TMOD2: variants seen among roughly 807,000 people sequenced by gnomAD.
TMOD2 encodes tropomodulin-2.
In TMOD2, 22 loss-of-function variants were observed where a neutral mutation model predicts 39.9. That is an observed-to-expected ratio of 0.55 (90% CI 0.39 to 0.79). TMOD2 has a LOEUF of 0.79. TMOD2 is among the 30% of genes least tolerant of loss of function. The pLI is 0.00. For synonymous variants in TMOD2, 123 were observed against 146.1 expected (o/e 0.84, Z 1.14); for missense variants, 386 against 413.3 (o/e 0.93, Z 0.57).
At chr15:51,773,096 T>C (rs2055864058) in intron 3 of TMOD2, among the ~76,000 whole-genome samples, 1 of 152,094 alleles carries the variant, frequency 6.6e-6, no homozygotes, top group Non-Finnish European at 1.5e-5. Flanking sequence ...AGCCCACATA[T>C]CCAAGCTTCA....
At chr15:51,789,199 G>A (rs976896800) in intron 7 of TMOD2, among the ~76,000 whole-genome samples, 13 of 152,160 alleles carry the variant, frequency 8.5e-5, no homozygotes, top group African/African-American at 2.9e-4. Flanking sequence ...AAAAAAGCAG[G>A]GGTTGCAATC....
At chr15:51,806,988 G>A (rs187985242) in intron 9 of TMOD2, among the ~76,000 whole-genome samples, 42 of 152,300 alleles carry the variant, frequency 2.8e-4, no homozygotes, top group Admixed American at 1.6e-3. Context: ...CTCACAGGTC[G>A]CCTTTTCAGT....
chr15:51,768,886 T>C (rs1374080029), intron 3 of TMOD2, among the ~76,000 whole-genome samples: 1 of 152,240 alleles, frequency 6.6e-6, no homozygotes, highest in African/African-American at 2.4e-5. Context: ...GCCCATGAAC[T>C]GGAGTCGGTG....
chr15:51,758,079 C>CTAATAATAATAATAA (rs145435018), intron 1 of TMOD2, among the ~76,000 whole-genome samples: 1 of 149,672 alleles, frequency 6.7e-6, no homozygotes, highest in African/African-American at 2.5e-5. Context: ...GACCCTATTT[C>CTAATAATAATAATAA]TAATAATAAT....
At chr15:51,807,064 T>C (rs1394609736) in intron 9 of TMOD2, among the ~76,000 whole-genome samples, 1 of 152,174 alleles carries the variant, frequency 6.6e-6, no homozygotes, top group East Asian at 1.9e-4. Flanking sequence ...TCTGTTAGGA[T>C]GAGGTGGGGC....
At chr15:51,767,768 T>C (rs551007217) in intron 2 of TMOD2, among the ~76,000 whole-genome samples, 6 of 152,348 alleles carry the variant, frequency 3.9e-5, no homozygotes, top group African/African-American at 1.4e-4. Context: ...AAAATACAGA[T>C]ATTCTGTTGT....
intron 1 of TMOD2, among the ~76,000 whole-genome samples, chr15:51,758,100 A>G (rs2055754951): frequency 6.6e-6 from 1 of 151,664 alleles, no homozygotes; most frequent in African/African-American, 2.4e-5. Context: ...AATAATAATA[A>G]TAATAACTAG....
In TMOD2 at chr15:51,798,194, A is replaced by G; in HGVS notation, c.733-3A>G. 6.3e-7 allele frequency: 1 copy of G among 1,582,318 alleles called. No homozygotes were observed. The highest frequency in any genetic ancestry group is 8.5e-7 in the Non-Finnish European group (1 of 1,171,286). ...TAAGTTTTTTTTCTTTTTGCATCAT[A>G]AGGCTTTTGCAGACATGCTGAAAGT... is the stretch of plus-strand genomic sequence containing the variant. On this transcript the variant is annotated splice_region_variant and splice_polypyrimidine_tract_variant and intron_variant, in intron 7 of 9. Coordinates refer to ENST00000249700, the MANE Select transcript of TMOD2 (RefSeq NM_014548.4).
In TMOD2 at chr15:51,810,184, ATGTGT is replaced by A. The variant is rs1555463659; in HGVS notation, c.*1733_*1737del. On this transcript the variant is annotated 3_prime_UTR_variant, in exon 10 of 10. Coordinates refer to ENST00000249700, the MANE Select transcript of TMOD2 (RefSeq NM_014548.4). ...CTTCCCTTTCACCCATTTAGGTGTG[ATGTGT>A]TGGAGTCAACTTGTACAGGCTTGCC... 11 of 152,118 alleles carry A rather than the reference ATGTGT, an allele frequency of 7.2e-5. No homozygotes were observed. The highest frequency in any genetic ancestry group is 1.6e-4 in the Non-Finnish European group (11 of 68,024). 9.4% of individuals were successfully genotyped at this position (152,118 alleles called of 1,614,324 possible). A position where few individuals can be genotyped will look rare whatever the true frequency, so the allele number is the denominator to read the frequency against.
At chr15:51,753,552 A>C (rs74015758) in intron 1 of TMOD2, among the ~76,000 whole-genome samples, 2,258 of 152,334 alleles carry the variant, frequency 0.015, 55 homozygotes, top group African/African-American at 0.052. Flanking sequence ...GATGCAAAAA[A>C]AAAAGCTATA....
intron 3 of TMOD2, among the ~76,000 whole-genome samples, chr15:51,772,214 G>A (rs1291628381): frequency 6.6e-6 from 1 of 152,158 alleles, no homozygotes; most frequent in Non-Finnish European, 1.5e-5. Flanking sequence ...GTCCCAATGG[G>A]CGGAAACTGG....
intron 8 of TMOD2, 150 bp downstream of exon 8, chr15:51,798,490 C>A: frequency 1.0e-6 from 1 of 979,638 alleles, no homozygotes; most frequent in Non-Finnish European, 1.5e-6. Context: ...CCATTTCTGG[C>A]CCATGGAGGA....
intron 1 of TMOD2, among the ~76,000 whole-genome samples, chr15:51,754,692 AATTGCCTAG>A (rs1415288837): frequency 1.3e-5 from 2 of 152,234 alleles, no homozygotes; most frequent in Non-Finnish European, 2.9e-5. Flanking sequence ...AAGAAAAAGA[AATTGCCTAG>A]CCAGATGTGG....
intron 3 of TMOD2, among the ~76,000 whole-genome samples, chr15:51,771,583 T>G (rs2055854113): frequency 6.6e-6 from 1 of 152,182 alleles, no homozygotes; most frequent in African/African-American, 2.4e-5. Flanking sequence ...GAGGATTACT[T>G]GAGCCCAGAA....
intron 1 of TMOD2, among the ~76,000 whole-genome samples, chr15:51,758,719 G>A (rs192947472): frequency 1.3e-5 from 2 of 152,350 alleles, no homozygotes; most frequent in Admixed American, 6.5e-5. Context: ...GTAGCATGGA[G>A]ATGGGGAGTG....
At chr15:51,754,650 TC>T (rs1358966261) in intron 1 of TMOD2, among the ~76,000 whole-genome samples, 2 of 152,208 alleles carry the variant, frequency 1.3e-5, no homozygotes, top group African/African-American at 4.8e-5. Flanking sequence ...CAGTCAGTAT[TC>T]CCCAAAATAC....
intron 3 of TMOD2, among the ~76,000 whole-genome samples, chr15:51,770,252 G>A (rs1050566744): frequency 5.3e-5 from 8 of 151,990 alleles, no homozygotes; most frequent in African/African-American, 1.7e-4. Context: ...TCCTTCTGAC[G>A]CATGTCCCCA....
chr15:51,767,202 T>A (rs2055822149), intron 2 of TMOD2: 2 of 152,162 alleles, frequency 1.3e-5, no homozygotes, highest in African/African-American at 4.8e-5. Context: ...ATTTTTATAT[T>A]TTTAGTAGAG....
chr15:51,767,124 C>G (rs907828232), intron 2 of TMOD2: 4 of 151,932 alleles, frequency 2.6e-5, no homozygotes, highest in African/African-American at 9.7e-5. Context: ...CTCCCAGATT[C>G]AAGCGATTCT....
Sources: gnomAD v4.1 joint callset for allele counts (sites outside exome capture counted in the v4.1 genomes callset) on GRCh38, gnomAD v4.1.1 for gene constraint, MANE v1.5 for transcripts, NCBI Gene and HGNC (gene_info 2026-07-23, HGNC 2026-07-21) for gene names.